MACROD2: variants seen among roughly 807,000 people sequenced by gnomAD.
MACROD2 encodes mono-ADP ribosylhydrolase 2, also known as ADP-ribose glycohydrolase MACROD2.
MACROD2 carries 36 observed loss-of-function variants against 70.4 expected under a neutral mutation model. The observed-to-expected ratio is 0.51, with a 90% CI of 0.39 to 0.68. MACROD2 has a LOEUF of 0.68. Ranked by LOEUF, MACROD2 falls within the 30% of genes least tolerant of loss-of-function variation. The pLI, the probability that MACROD2 is intolerant of heterozygous loss-of-function variation, is 0.00. For missense variants in MACROD2, 496 were observed against 538.4 expected, an observed-to-expected ratio of 0.92 and a Z score of 0.78; for synonymous variants, 172 against 178.8, an observed-to-expected ratio of 0.96 and a Z score of 0.30.
chr20:14,220,158 A>G (rs1322388938), intron 3 of MACROD2, among the ~76,000 whole-genome samples: 1 of 151,834 alleles, frequency 6.6e-6, no homozygotes, highest in African/African-American at 2.4e-5. Context: ...CTGGGAGTGG[A>G]ACTAGGTGTG....
chr20:15,466,616 A>G (rs1568828785), intron 7 of MACROD2, among the ~76,000 whole-genome samples: 1 of 152,218 alleles, frequency 6.6e-6, no homozygotes, highest in Admixed American at 6.5e-5. Context: ...TTTCTATATC[A>G]TAACAATTCC....
rs2046383408 is a variant in MACROD2 at position 15,433,075 on chromosome 20, T to C, written c.571+1640T>C. 1.3e-5 allele frequency among the ~76,000 whole-genome samples: 2 copies of C among 152,000 alleles called. 1 individual carries two copies. The highest frequency in any genetic ancestry group is 4.8e-5 in the African/African-American group (2 of 41,394). On this transcript the variant is annotated intron_variant, in intron 7 of 17. Coordinates refer to ENST00000684519, the MANE Select transcript of MACROD2 (RefSeq NM_001351661.2). ...ACATTAAAGTAATAAAAGCCATATA[T>C]GACAAACCAACAACCAACATCATAC...
Position 15,219,694 on chromosome 20 carries a change from G to A in MACROD2, c.419-10246G>A, listed in dbSNP as rs192812231. ...TTTAGTGCAGAGCTGTCCTATGAAT[G>A]GATCAATTTCAGAGAGAAATCAGAT... On this transcript the variant is annotated intron_variant, in intron 5 of 17. Transcript: ENST00000684519. Among the ~76,000 whole-genome samples the A allele has an allele frequency of 4.1e-4, 62 of 152,178 alleles. No homozygotes were observed. In the East Asian group the frequency reaches 7.0e-3, roughly 17 times the overall value.
intron 3 of MACROD2, among the ~76,000 whole-genome samples, chr20:14,454,394 T>C (rs1382282437): frequency 6.6e-6 from 1 of 151,232 alleles, no homozygotes; most frequent in Non-Finnish European, 1.5e-5. Context: ...TGTAGCTAGA[T>C]GTATGATCCT....
chr20:14,409,772 G>C (rs2083729904), intron 3 of MACROD2, among the ~76,000 whole-genome samples: 1 of 152,092 alleles, frequency 6.6e-6, no homozygotes, highest in Non-Finnish European at 1.5e-5. Flanking sequence ...CTTAATTGCT[G>C]CTCGGGTTGG....
chr20:15,092,884 A>AC (rs2075802574), intron 5 of MACROD2, among the ~76,000 whole-genome samples: 1 of 152,168 alleles, frequency 6.6e-6, no homozygotes, highest in Non-Finnish European at 1.5e-5. Flanking sequence ...CTCTCTCCGA[A>AC]TAAGTGCTAA....
intron 5 of MACROD2, among the ~76,000 whole-genome samples, chr20:14,960,639 T>C (rs958196964): frequency 1.2e-4 from 18 of 152,198 alleles, no homozygotes; most frequent in African/African-American, 4.3e-4. Context: ...TATGATACTT[T>C]TAAAATCCTG....
At chr20:15,584,220 G>A (rs771399958) in intron 8 of MACROD2, among the ~76,000 whole-genome samples, 13 of 152,176 alleles carry the variant, frequency 8.5e-5, no homozygotes, top group Admixed American at 1.3e-4. Flanking sequence ...TTCAGAGAGT[G>A]GGGGCCAGGT....
intron 8 of MACROD2, among the ~76,000 whole-genome samples, chr20:15,676,207 G>A (rs2050055073): frequency 6.6e-6 from 1 of 152,068 alleles, no homozygotes; most frequent in Non-Finnish European, 1.5e-5. Flanking sequence ...TGCATCTTAT[G>A]TGCCTCCATA....
intron 5 of MACROD2, among the ~76,000 whole-genome samples, chr20:14,796,727 A>C (rs925936806): frequency 6.6e-6 from 1 of 151,982 alleles, no homozygotes; most frequent in Non-Finnish European, 1.5e-5. Flanking sequence ...GCTTTACCAC[A>C]TAGAGACCTG....
chr20:14,397,661 A>G (rs578173486), intron 3 of MACROD2, among the ~76,000 whole-genome samples: 10 of 152,282 alleles, frequency 6.6e-5, no homozygotes, highest in African/African-American at 2.4e-4. Flanking sequence ...ACAGAGTGAT[A>G]TTTTCATAGA....
intron 3 of MACROD2, among the ~76,000 whole-genome samples, chr20:14,488,355 C>A (rs187357678): frequency 1.3e-5 from 2 of 152,292 alleles, no homozygotes; most frequent in Admixed American, 6.5e-5. Flanking sequence ...ATCAAAATTA[C>A]AATTGATCTA....
At chr20:14,451,484 C>A (rs2084244615) in intron 3 of MACROD2, among the ~76,000 whole-genome samples, 1 of 152,096 alleles carries the variant, frequency 6.6e-6, no homozygotes, top group Admixed American at 6.6e-5. Context: ...AGCATGTTAC[C>A]TCTGTGGGTC....
chr20:14,027,407 G>A (rs1176392764), intron 2 of MACROD2, among the ~76,000 whole-genome samples: 1 of 151,986 alleles, frequency 6.6e-6, no homozygotes, highest in Admixed American at 6.6e-5. Flanking sequence ...GTTAGAGCAT[G>A]CTTCTTTAGC....
chr20:15,781,835 T>G (rs988597354), intron 8 of MACROD2, among the ~76,000 whole-genome samples: 2 of 152,026 alleles, frequency 1.3e-5, no homozygotes, highest in Non-Finnish European at 1.5e-5. Context: ...CCTGGTGGAA[T>G]TAATGGGGGC....
At chr20:14,635,959 A>G (rs1170965971) in intron 4 of MACROD2, among the ~76,000 whole-genome samples, 3 of 152,194 alleles carry the variant, frequency 2.0e-5, no homozygotes, top group African/African-American at 7.2e-5. Context: ...GAACATGTTT[A>G]TAAACTAAAT....
At position 14,933,116 on chromosome 20, in the gene MACROD2, G is replaced by T. The variant is rs538188356; in HGVS notation, c.418+248157G>T. On this transcript the variant is annotated intron_variant, in intron 5 of 17. Coordinates refer to ENST00000684519, the MANE Select transcript of MACROD2 (RefSeq NM_001351661.2). ...ACTTCCATGAGAAATTGTCAGGGTT[G>T]TCAACATCATGCTTCATGGCTTTTG... Among the ~76,000 whole-genome samples the T allele has an allele frequency of 3.3e-4, 50 of 151,982 alleles. 1 individual carries two copies. Among genetic ancestry groups the T allele is most frequent in the Admixed American group, 1.5e-3 (23 of 15,280 alleles).
intron 3 of MACROD2, among the ~76,000 whole-genome samples, chr20:14,221,629 C>T (rs944596857): frequency 6.6e-6 from 1 of 152,086 alleles, no homozygotes; most frequent in Non-Finnish European, 1.5e-5. Flanking sequence ...CAAAAATAGA[C>T]AAATGAGCTT....
Position 15,313,874 on chromosome 20 carries a change from AT to A in MACROD2, c.540+83819del, listed in dbSNP as rs552545296. Among the ~76,000 whole-genome samples the A allele has an allele frequency of 1.1e-3, 160 of 152,288 alleles. 1 individual carries two copies. The highest frequency in any genetic ancestry group is 3.6e-3 in the African/African-American group (150 of 41,570). ...TTTTAAAATATCAATTTTCAAAAAT[AT>A]TTTTTATTTCATGACTAAAACTCTT... On this transcript the variant is annotated intron_variant, in intron 6 of 17. Transcript: ENST00000684519.
Sources: gnomAD v4.1 joint callset for allele counts (sites outside exome capture counted in the v4.1 genomes callset) on GRCh38, gnomAD v4.1.1 for gene constraint, MANE v1.5 for transcripts, NCBI Gene and HGNC (gene_info 2026-07-23, HGNC 2026-07-21) for gene names.